Variants in AOAH observed in about 807,000 individuals in gnomAD.
AOAH encodes the protein acyloxyacyl hydrolase (neutrophil).
In AOAH, 64 loss-of-function variants were observed where a neutral mutation model predicts 92.2. The ratio of observed to expected loss-of-function variants is 0.69; its 90% CI spans 0.57 to 0.86. The LOEUF is 0.86. Ranked by LOEUF, AOAH falls within the 40% of genes least tolerant of loss-of-function variation. The pLI is 0.00. For synonymous variants in AOAH, 263 were observed against 254.5 expected (o/e 1.03, Z -0.32); for missense variants, 656 against 694.6 (o/e 0.94, Z 0.62).
intron 13 of AOAH, among the ~76,000 whole-genome samples, chr7:36,552,232 A>G (rs1027986666): frequency 6.6e-6 from 1 of 152,064 alleles, no homozygotes; most frequent in Non-Finnish European, 1.5e-5. Context: ...TCAGCTACCA[A>G]TCATAAGTGA....
intron 12 of AOAH, among the ~76,000 whole-genome samples, chr7:36,581,556 T>A (rs1788933146): frequency 6.6e-6 from 1 of 152,212 alleles, no homozygotes; most frequent in Non-Finnish European, 1.5e-5. Flanking sequence ...ACTAAAATAA[T>A]TTTATGGTCA....
chr7:36,702,481 TG>T (rs1337305912), intron 1 of AOAH, among the ~76,000 whole-genome samples: 10 of 152,184 alleles, frequency 6.6e-5, no homozygotes, highest in Non-Finnish European at 1.3e-4. Context: ...ATTTTAAGTA[TG>T]GGTATATCTT....
Position 36,678,598 on chromosome 7 carries a change from T to TGCGC in AOAH, c.224-4590_224-4589insGCGC, listed in dbSNP as rs1416213163. 4.4e-4 allele frequency among the ~76,000 whole-genome samples: 56 copies of TGCGC among 127,402 alleles called. 1 individual carries two copies. Among genetic ancestry groups the TGCGC allele is most frequent in the African/African-American group, 1.3e-3 (48 of 35,806 alleles). The allele number at this position is 127,402 out of a possible 152,430, so 83.6% of individuals were successfully genotyped here. ...GTGTGTGTGTGTGTGTGTGTGTGTG[T>TGCGC]GTGCGCGCGCGCGCGCGTTAGAATT... is the stretch of plus-strand genomic sequence containing the variant. On this transcript the variant is annotated intron_variant, in intron 2 of 20. Coordinates refer to ENST00000617537, the MANE Select transcript of AOAH (RefSeq NM_001637.4).
intron 11 of AOAH, among the ~76,000 whole-genome samples, chr7:36,608,804 C>A (rs1791186172): frequency 6.6e-6 from 1 of 151,092 alleles, no homozygotes; most frequent in South Asian, 2.1e-4. Context: ...TGCCTGTTGT[C>A]ATGGCATAAT....
At chr7:36,620,896 C>CATGAATGA (rs10522114) in intron 8 of AOAH, 67 bp from the exon 9 acceptor site, 6 of 1,331,228 alleles carry the variant, frequency 4.5e-6, no homozygotes, top group Middle Eastern at 1.9e-4. Flanking sequence ...CAGTTTCATG[C>CATGAATGA]ATGAATGAAT....
At position 36,686,688 on chromosome 7, in the gene AOAH, C is replaced by A; in HGVS notation, c.223+11G>T. 1 of 1,503,704 alleles carries A rather than the reference C, an allele frequency of 6.7e-7. No homozygotes were observed. The highest frequency in any genetic ancestry group is 8.9e-7 in the Non-Finnish European group (1 of 1,121,752). The allele number at this position is 1,503,704 out of a possible 1,614,324, so 93.1% of individuals were successfully genotyped here. A position where few individuals can be genotyped will look rare whatever the true frequency, so the allele number is the denominator to read the frequency against. The stretch of plus-strand genomic sequence containing the variant: ...GCAGACCCTCAGCAGTATGACTCGT[C>A]CCATATTTACCAGGCAGGTAGCTGC... On this transcript the variant is annotated intron_variant, in intron 2 of 20. Transcript: ENST00000617537.
chr7:36,634,475 G>A (rs1051990075), intron 5 of AOAH, among the ~76,000 whole-genome samples: 6 of 152,022 alleles, frequency 3.9e-5, no homozygotes, highest in African/African-American at 1.2e-4. Context: ...CCTCTCACGC[G>A]CATCACTTTA....
intron 5 of AOAH, among the ~76,000 whole-genome samples, chr7:36,634,996 G>A (rs1188538170): frequency 6.6e-6 from 1 of 152,164 alleles, no homozygotes; most frequent in East Asian, 1.9e-4. Flanking sequence ...CTCCTGGTTA[G>A]ACTGAGGTTT....
intron 6 of AOAH, among the ~76,000 whole-genome samples, chr7:36,628,950 C>T (rs1156302738): frequency 6.6e-6 from 1 of 152,182 alleles, no homozygotes; most frequent in Non-Finnish European, 1.5e-5. Flanking sequence ...CATCCATTAC[C>T]GGATCTGTGA....
At chr7:36,653,186 G>A (rs548094425) in intron 4 of AOAH, among the ~76,000 whole-genome samples, 1 of 152,228 alleles carries the variant, frequency 6.6e-6, no homozygotes, top group African/African-American at 2.4e-5. Context: ...AGCTCATAGG[G>A]CTAAAAACAG....
intron 6 of AOAH, among the ~76,000 whole-genome samples, chr7:36,626,314 T>C (rs549327976): frequency 6.6e-6 from 1 of 152,228 alleles, no homozygotes; most frequent in Non-Finnish European, 1.5e-5. Context: ...ACCTTTGTTA[T>C]CTTGGGGGTG....
intron 20 of AOAH, among the ~76,000 whole-genome samples, chr7:36,519,605 T>C (rs760119266): frequency 2.0e-5 from 3 of 152,194 alleles, no homozygotes; most frequent in Non-Finnish European, 4.4e-5. Flanking sequence ...TAATTTTGTA[T>C]TTTTAGTAGA....
chr7:36,637,352 A>G (rs1584001346), intron 5 of AOAH, among the ~76,000 whole-genome samples: 1 of 152,186 alleles, frequency 6.6e-6, no homozygotes, highest in South Asian at 2.1e-4. Context: ...ACTGGGGCTC[A>G]GTGAAGTTGA....
At chr7:36,602,805 G>A (rs1790707276) in intron 11 of AOAH, among the ~76,000 whole-genome samples, 1 of 152,168 alleles carries the variant, frequency 6.6e-6, no homozygotes, top group African/African-American at 2.4e-5. Flanking sequence ...AAGTTACAGA[G>A]GGGAAAGTGG....
At chr7:36,518,559 C>A (rs1215096534) in intron 20 of AOAH, among the ~76,000 whole-genome samples, 1 of 152,196 alleles carries the variant, frequency 6.6e-6, no homozygotes, top group Non-Finnish European at 1.5e-5. Context: ...CTCAGGAGGT[C>A]ATCGGCTGCC....
chr7:36,666,404 G>A (rs1795536933), intron 3 of AOAH, among the ~76,000 whole-genome samples: 1 of 151,962 alleles, frequency 6.6e-6, no homozygotes, highest in Non-Finnish European at 1.5e-5. Context: ...TTCTCTTTCA[G>A]TTCTGATATC....
chr7:36,656,251 G>A (rs1274087288), intron 4 of AOAH, among the ~76,000 whole-genome samples: 1 of 152,194 alleles, frequency 6.6e-6, no homozygotes, highest in East Asian at 1.9e-4. Context: ...GAAACTCACA[G>A]GTGGAAGAAG....
At chr7:36,520,686 C>A (rs989323570) in intron 20 of AOAH, among the ~76,000 whole-genome samples, 9 of 131,832 alleles carry the variant, frequency 6.8e-5, no homozygotes, top group Middle Eastern at 3.9e-3. Flanking sequence ...GCCGGGGCAA[C>A]AAGAGTGAAA....
Position 36,522,087 on chromosome 7 carries a change from T to C in AOAH, c.1551A>G (p.Gly517=). The change falls in exon 20 of 21, where the codon GGA becomes GGG. Residue 517 remains glycine, a synonymous_variant. Transcript: ENST00000617537. ...EIIQEWQKRG[G]QPWQLIEPVD... ...CGGGCTCGATGAGCTGCCAGGGCTG[T>C]CCGCCTCTCTTCTGCCACTCCTGTA... 5 of 1,614,210 alleles carry C rather than the reference T, an allele frequency of 3.1e-6. No individual in the cohort carries two copies. The highest frequency in any genetic ancestry group is 4.2e-6 in the Non-Finnish European group (5 of 1,180,038).
Sources: allele counts gnomAD v4.1 joint callset (sites outside exome capture counted in the v4.1 genomes callset), GRCh38; gene constraint gnomAD v4.1.1; transcripts MANE v1.5; gene names NCBI Gene and HGNC (gene_info 2026-07-23, HGNC 2026-07-21).